Variants in IL13 observed in about 807,000 individuals in gnomAD.
IL13 encodes the protein interleukin 13.
In IL13, 9 loss-of-function variants were observed where a neutral mutation model predicts 11.1. The ratio of observed to expected loss-of-function variants is 0.81; its 90% confidence interval spans 0.49 to 1.42. The LOEUF (loss-of-function observed/expected upper bound fraction) is 1.42. Among genes scored for constraint, IL13 ranks in the 40% most tolerant of loss-of-function variants. The pLI, the probability that IL13 is intolerant of heterozygous loss-of-function variation, is 0.00. For synonymous variants in IL13, 75 were observed against 76.9 expected (o/e 0.97, Z 0.13); for missense variants, 181 against 182.5 (o/e 0.99, Z 0.05).
chr5:132,660,352 T>C lies in IL13; in HGVS notation c.*70T>C. On this transcript the variant is annotated 3_prime_UTR_variant, in exon 4 of 4. Coordinates refer to ENST00000304506, the MANE Select transcript of IL13 (RefSeq NM_002188.3). ...GAAGTTGCAGATTCATTTTTCTTTC[T>C]GATGTCAAAAATGTCTTGGGTAGGC... is the stretch of plus-strand genomic sequence containing the variant. The C allele has an allele frequency of 6.4e-7, 1 of 1,572,988 alleles. No individual in the cohort carries two copies. The highest frequency in any genetic ancestry group is 8.6e-7 in the Non-Finnish European group (1 of 1,161,524).
Position 132,658,339 on chromosome 5 carries a change from C to A in IL13, c.153C>A (p.Val51=), listed in dbSNP as rs34255686. 3,992 of 1,609,610 alleles carry A rather than the reference C, an allele frequency of 2.5e-3. 88 individuals carry two copies. The African/African-American group carries it at 0.047, about 19-fold the overall frequency. The change falls in exon 1 of 4, where the codon GTC becomes GTA. Residue 51 remains valine, a synonymous_variant. Transcript: ENST00000304506. ...TCAGGGAGCTCATTGAGGAGCTGGT[C>A]AACATCACCCAGAACCAGAAGGTGA... ...TALRELIEEL[V]NITQNQKAPL... is the part of the protein sequence containing the mutation.
upstream of IL13, chr5:132,656,993 G>C (rs1238283742): frequency 6.5e-6 from 1 of 153,230 alleles, no homozygotes; most frequent in African/African-American, 2.4e-5. Context: ...AGCAGGCAGA[G>C]AGGGGGCCTG....
At chr5:132,658,898 T>C (rs2149874197) in intron 1 of IL13, 1 of 173,332 alleles carries the variant, frequency 5.8e-6, no homozygotes, top group Non-Finnish European at 1.3e-5. Context: ...GCAGGTACGA[T>C]GAACCCATTC....
chr5:132,659,349 G>C lies in IL13; in HGVS notation c.175-69G>C. ...GTGGGGCCTGTGCTGGGGCAGACCT[G>C]GCCTGGGCTGCCAGGGCAGGCCCAC... On this transcript the variant is annotated intron_variant, in intron 1 of 3. Coordinates refer to ENST00000304506, the MANE Select transcript of IL13 (RefSeq NM_002188.3). This position sits in a 1 kb window ranked among gnomAD's most constrained non-coding sequence, Gnocchi z 4.1. The C allele has an allele frequency of 8.6e-7, 1 of 1,157,576 alleles. No individual in the cohort carries two copies. Among genetic ancestry groups the C allele is most frequent in the Non-Finnish European group, 1.3e-6 (1 of 783,964 alleles). 71.7% of individuals were successfully genotyped at this position (1,157,576 alleles called of 1,614,324 possible). A position where few individuals can be genotyped will look rare whatever the true frequency, so the allele number is the denominator to read the frequency against.
chr5:132,658,139 G>T (rs1345105555), upstream of IL13: 1 of 1,140,598 alleles, frequency 8.8e-7, no homozygotes. Context: ...CACCACTTGG[G>T]CCTATAAAAG....
chr5:132,660,450 C>A lies in IL13; in HGVS notation c.*168C>A. 8.4e-7 allele frequency: 1 copy of A among 1,183,582 alleles called. No homozygotes were observed. 73.3% of individuals were successfully genotyped at this position (1,183,582 alleles called of 1,614,324 possible). ...CCTGTGCTGCCCGTCTTCAGCCTAG[C>A]CGACCTCAGCCTTCCCCTTGCCCAG... On this transcript the variant is annotated 3_prime_UTR_variant, in exon 4 of 4. Coordinates refer to ENST00000304506, the MANE Select transcript of IL13 (RefSeq NM_002188.3).
Position 132,658,241 on chromosome 5 carries a change from T to A in IL13, c.55T>A (p.Leu19Met), listed in dbSNP as rs201053365. The change falls in exon 1 of 4, where the codon TTG becomes ATG. Residue 19 changes from leucine (L) to methionine (M), a missense_variant. Transcript: ENST00000304506. ...GGCACTGGGCCTCATGGCGCTTTTG[T>A]TGACCACGGTCATTGCTCTCACTTG... ...LLALGLMALL[L>M]TTVIALTCLG... The A allele has an allele frequency of 6.2e-7, 1 of 1,611,796 alleles. No homozygotes were observed. Among genetic ancestry groups the A allele is most frequent in the Admixed American group, 1.7e-5 (1 of 59,998 alleles).
chr5:132,659,219 A>G lies in IL13; in HGVS notation c.175-199A>G, dbSNP rs1022963312. 5.1e-6 allele frequency: 3 copies of G among 583,642 alleles called. No individual in the cohort carries two copies. The highest frequency in any genetic ancestry group is 9.4e-6 in the Non-Finnish European group (3 of 319,092). The allele number at this position is 583,642 out of a possible 1,614,324, so 36.2% of individuals were successfully genotyped here. On this transcript the variant is annotated intron_variant, in intron 1 of 3. Coordinates refer to ENST00000304506, the MANE Select transcript of IL13 (RefSeq NM_002188.3). This position sits in a 1 kb window ranked among gnomAD's most constrained non-coding sequence, Gnocchi z 4.1. ...TTTTTTCTCTCAGCTCCAAGACCCT[A>G]AACAGTGGGACCTCACCCCTATGCC... is the stretch of plus-strand genomic sequence containing the variant.
rs778560262 is a variant in IL13, at chr5:132,659,754, G to A, written c.259G>A (p.Val87Met). ...YCAALESLIN[V>M]SGCSAIEKTQ... ...TGCAGCCCTGGAATCCCTGATCAAC[G>A]TGTCAGGCTGCAGTGCCATCGAGAA... The change falls in exon 3 of 4, where the codon GTG (valine) becomes ATG (methionine). Residue 87 changes from valine to methionine, a missense_variant. Physicochemically the swap from Val to Met is conservative, Grantham distance 21 (BLOSUM62 1). Coordinates refer to ENST00000304506, the MANE Select transcript of IL13 (RefSeq NM_002188.3). The surrounding 1 kb of genome is among the most constrained non-coding windows in gnomAD (Gnocchi z 4.1). 8.7e-6 allele frequency: 14 copies of A among 1,613,838 alleles called. No individual in the cohort carries two copies. Among genetic ancestry groups the A allele is most frequent in the Admixed American group, 1.7e-5 (1 of 60,010 alleles).
chr5:132,659,537 G>A lies in IL13; in HGVS notation c.228+66G>A. The A allele has an allele frequency of 1.3e-6, 2 of 1,563,830 alleles. No homozygotes were observed. The highest frequency in any genetic ancestry group is 1.1e-5 in the South Asian group (1 of 87,928). On this transcript the variant is annotated intron_variant, in intron 2 of 3. Coordinates refer to ENST00000304506, the MANE Select transcript of IL13 (RefSeq NM_002188.3). The surrounding 1 kb of genome is among the most constrained non-coding windows in gnomAD (Gnocchi z 4.1). ...CAGGCCTTGGGCTTATCTTCTCTGA[G>A]CCTCCCTTCCATGGCTGGGGTTCCA...
At chr5:132,660,060 C>A in intron 3 of IL13, 115 bp from the exon 4 acceptor site, 1 of 1,248,330 alleles carries the variant, frequency 8.0e-7, no homozygotes, top group Non-Finnish European at 1.1e-6. Context: ...ACAGTACCCA[C>A]CTCATGGGGA....
In IL13 at chr5:132,660,511, T is replaced by A; in HGVS notation, c.*229T>A. On this transcript the variant is annotated 3_prime_UTR_variant, in exon 4 of 4. Transcript: ENST00000304506. ...GGTGGGCCTCCTCTGTCCAGGGCCC[T>A]GAGCTCGGTGGACCCAGGGATGACA... 1 of 564,470 alleles carries A rather than the reference T, an allele frequency of 1.8e-6. No homozygotes were observed. The highest frequency in any genetic ancestry group is 2.9e-6 in the Non-Finnish European group (1 of 340,850). The allele number at this position is 564,470 out of a possible 1,614,324, so 35.0% of individuals were successfully genotyped here.
At position 132,658,206 on chromosome 5, in the gene IL13, C is replaced by A. The variant is rs201121980; in HGVS notation, c.20C>A (p.Pro7His). ...CAGCCTATGCATCCGCTCCTCAATC[C>A]TCTCCTGTTGGCACTGGGCCTCATG... MHPLLN[P>H]LLLALGLMAL... Residue 7 changes from proline to histidine, a missense_variant, in exon 1 of 4, where the codon CCT (proline) becomes CAT (histidine). By Grantham distance (77) the Pro-to-His change is moderately conservative. Transcript: ENST00000304506. The A allele has an allele frequency of 1.7e-5, 27 of 1,610,764 alleles. No homozygotes were observed. The South Asian group carries it at 2.8e-4, about 16-fold the overall frequency.
At position 132,659,423 on chromosome 5, in the gene IL13, G is replaced by T. The variant is rs140369292; in HGVS notation, c.180G>T (p.Pro60=). 4 of 1,609,000 alleles carry T rather than the reference G, an allele frequency of 2.5e-6. No homozygotes were observed. Among genetic ancestry groups the T allele is most frequent in the Admixed American group, 3.4e-5 (2 of 59,444 alleles). ...CTGTCACTTTGCTCCCACAGGCTCC[G>T]CTCTGCAATGGCAGCATGGTATGGA... ...LVNITQNQKA[P]LCNGSMVWSI... is the part of the protein sequence containing the mutation. The change falls in exon 2 of 4, where the codon CCG becomes CCT. Residue 60 remains proline, a synonymous_variant. Coordinates refer to ENST00000304506, the MANE Select transcript of IL13 (RefSeq NM_002188.3). The surrounding 1 kb of genome is among the most constrained non-coding windows in gnomAD (Gnocchi z 4.1).
At position 132,658,320 on chromosome 5, in the gene IL13, A is replaced by G. The variant is rs1250044519; in HGVS notation, c.134A>G (p.Glu45Gly). ...GPVPPSTALR[E>G]LIEELVNITQ... ...GTGCCTCCCTCTACAGCCCTCAGGGAGCTCATTGAGGAGCTGGTCAACATC... is the reference window on the plus strand; with the variant it reads ...GTGCCTCCCTCTACAGCCCTCAGGGGGCTCATTGAGGAGCTGGTCAACATC... The change falls in exon 1 of 4, where the codon GAG (glutamate) becomes GGG (glycine). Residue 45 changes from glutamate (E) to glycine (G), a missense_variant. Glu to Gly is a moderately conservative substitution (Grantham distance 98). Transcript: ENST00000304506. 6.2e-7 allele frequency: 1 copy of G among 1,612,084 alleles called. No individual in the cohort carries two copies. Among genetic ancestry groups the G allele is most frequent in the African/African-American group, 1.3e-5 (1 of 74,972 alleles).
In IL13 at chr5:132,659,708, T is replaced by C; in HGVS notation, c.229-16T>C. 1 of 1,612,412 alleles carries C rather than the reference T, an allele frequency of 6.2e-7. No homozygotes were observed. Among genetic ancestry groups the C allele is most frequent in the African/African-American group, 1.3e-5 (1 of 74,980 alleles). On this transcript the variant is annotated splice_polypyrimidine_tract_variant and intron_variant, in intron 2 of 3. Transcript: ENST00000304506. This position sits in a 1 kb window ranked among gnomAD's most constrained non-coding sequence, Gnocchi z 4.1. ...GCCCAAGCAGGGCCTGACCCCTCGG[T>C]GTCCCCTCCCCACAGTACTGTGCAG...
chr5:132,659,754 G>C lies in IL13; in HGVS notation c.259G>C (p.Val87Leu), dbSNP rs778560262. Residue 87 changes from valine to leucine, a missense_variant, in exon 3 of 4, where the codon GTG becomes CTG. Coordinates refer to ENST00000304506, the MANE Select transcript of IL13 (RefSeq NM_002188.3). This position sits in a 1 kb window ranked among gnomAD's most constrained non-coding sequence, Gnocchi z 4.1. ...TGCAGCCCTGGAATCCCTGATCAAC[G>C]TGTCAGGCTGCAGTGCCATCGAGAA... is the stretch of plus-strand genomic sequence containing the variant. ...YCAALESLINVSGCSAIEKTQ... is the reference protein window; with the variant it reads ...YCAALESLINLSGCSAIEKTQ... 15 of 1,613,838 alleles carry C rather than the reference G, an allele frequency of 9.3e-6. No homozygotes were observed. Among genetic ancestry groups the C allele is most frequent in the Admixed American group, 8.3e-5 (5 of 60,010 alleles).
rs201490660 is a variant in IL13 at position 132,660,502 on chromosome 5, C to T, written c.*220C>T. The T allele has an allele frequency of 1.5e-5, 10 of 662,438 alleles. No individual in the cohort carries two copies. Among genetic ancestry groups the T allele is most frequent in the Non-Finnish European group, 2.4e-5 (10 of 422,980 alleles). The allele number at this position is 662,438 out of a possible 1,614,324, so 41.0% of individuals were successfully genotyped here. On this transcript the variant is annotated 3_prime_UTR_variant, in exon 4 of 4. Coordinates refer to ENST00000304506, the MANE Select transcript of IL13 (RefSeq NM_002188.3). ...GCTCAGCCTGGTGGGCCTCCTCTGT[C>T]CAGGGCCCTGAGCTCGGTGGACCCA... is the stretch of plus-strand genomic sequence containing the variant.
Position 132,659,216 on chromosome 5 carries a change from C to T in IL13, c.175-202C>T. 1 of 583,886 alleles carries T rather than the reference C, an allele frequency of 1.7e-6. No homozygotes were observed. The highest frequency in any genetic ancestry group is 2.0e-5 in the South Asian group (1 of 51,016). The allele number at this position is 583,886 out of a possible 1,614,324, so 36.2% of individuals were successfully genotyped here. ...AATTTTTTTCTCTCAGCTCCAAGAC[C>T]CTAAACAGTGGGACCTCACCCCTAT... On this transcript the variant is annotated intron_variant, in intron 1 of 3. Transcript: ENST00000304506. This position sits in a 1 kb window ranked among gnomAD's most constrained non-coding sequence, Gnocchi z 4.1.
Sources: allele counts gnomAD v4.1 joint callset, GRCh38; gene constraint gnomAD v4.1.1; non-coding constraint Gnocchi (gnomAD v3.1); transcripts MANE v1.5; gene names NCBI Gene and HGNC (gene_info 2026-07-23, HGNC 2026-07-21).